Variants in KLHL17 observed in about 807,000 individuals in gnomAD.
KLHL17 encodes kelch like family member 17, also known as kelch-like protein 17.
In KLHL17, 71 loss-of-function variants were observed where a neutral mutation model predicts 64.6. The ratio of observed to expected loss-of-function variants is 1.10; its 90% CI spans 0.91 to 1.34. The LOEUF (loss-of-function observed/expected upper bound fraction) is 1.34. Among genes scored for constraint, KLHL17 ranks in the 40% most tolerant of loss-of-function variants. The pLI is 0.00. For synonymous variants in KLHL17, 612 were observed against 405.4 expected, an observed-to-expected ratio of 1.51 and a Z score of -6.12; for missense variants, 1,140 against 935.0, an observed-to-expected ratio of 1.22 and a Z score of -2.86.
chr1:962,716 G>A lies in KLHL17; in HGVS notation c.841G>A (p.Val281Met), dbSNP rs1189977031. 1 of 1,602,304 alleles carries A rather than the reference G, an allele frequency of 6.2e-7. No homozygotes were observed. The highest frequency in any genetic ancestry group is 1.7e-5 in the Admixed American group (1 of 59,346). ...RQHVPRLMKC[V>M]RLPLLSRDFL... ...CCCTGCACCCCAGCTCATGAAGTGT[G>A]TGCGGCTGCCCTTGCTGAGCCGCGA... The change falls in exon 6 of 12, where the codon GTG (valine) becomes ATG (methionine). Residue 281 changes from valine to methionine, a missense_variant. Physicochemically the swap from Val to Met is conservative, Grantham distance 21 (BLOSUM62 1). Transcript: ENST00000338591.
intron 4 of KLHL17, 25 bp from the exon 5 acceptor site, chr1:962,330 C>A: frequency 6.2e-7 from 1 of 1,612,086 alleles, no homozygotes. Flanking sequence ...CCCCAGATCT[C>A]AGGTCTGAGG....
At chr1:964,046 TC>T (rs766837330) in intron 9 of KLHL17, 38 bp downstream of exon 9, 2 of 1,611,976 alleles carry the variant, frequency 1.2e-6, no homozygotes, top group Non-Finnish European at 1.7e-6. Context: ...ATCCCCACCT[TC>T]CCCCACCGTG....
At position 961,349 on chromosome 1, in the gene KLHL17, G is replaced by A. The variant is rs1410875746; in HGVS notation, c.164G>A (p.Gly55Glu). The A allele has an allele frequency of 5.1e-6, 8 of 1,576,440 alleles. No homozygotes were observed. Among genetic ancestry groups the A allele is most frequent in the East Asian group, 4.6e-5 (2 of 43,076 alleles). Residue 55 changes from glycine (G) to glutamate (E), a missense_variant, in exon 2 of 12, where the codon GGA becomes GAA. Transcript: ENST00000338591. ...RQARPAAPME[G>E]AVQLLSREGH... ...GCTCGGCCCGCAGCCCCCATGGAGG[G>A]AGCCGTGCAGCTGCTGAGCCGCGAG...
In KLHL17 at chr1:964,478, T is replaced by TA. The variant is rs758412595; in HGVS notation, c.1649dup (p.Tyr550Ter). The part of the protein sequence containing the change: ...GTSCLNSVER[Y>*]SPKAGAWESV... Reference sequence around the variant, plus strand: ...CAGCTGCCTCAACTCGGTAGAGAGATACAGTCCAAAGGCTGGAGCCTGGGA... The same window carrying TA: ...CAGCTGCCTCAACTCGGTAGAGAGATAACAGTCCAAAGGCTGGAGCCTGGGA... Residue 550 changes from tyrosine to a stop codon, truncating the protein, a stop_gained and frameshift_variant, in exon 11 of 12, where the codon TAC (tyrosine) becomes TAAC (stop). Coordinates refer to ENST00000338591, the MANE Select transcript of KLHL17 (RefSeq NM_198317.3). LOFTEE classifies it high-confidence loss of function. The TA allele has an allele frequency of 6.5e-7, 1 of 1,541,110 alleles. No homozygotes were observed. Among genetic ancestry groups the TA allele is most frequent in the Non-Finnish European group, 8.8e-7 (1 of 1,142,544 alleles).
rs746135800 is a variant in KLHL17 at position 965,240 on chromosome 1, C to T, written c.*49C>T. On this transcript the variant is annotated 3_prime_UTR_variant, in exon 12 of 12. Transcript: ENST00000338591. ...AGCCTCCCACATGCCTTAAGGGGAC[C>T]GTGGCCCCCACCAGGGACGTCCTGC... 42 of 1,523,698 alleles carry T rather than the reference C, an allele frequency of 2.8e-5. No individual in the cohort carries two copies. Among genetic ancestry groups the T allele is most frequent in the South Asian group, 3.4e-5 (3 of 87,386 alleles). The allele number at this position is 1,523,698 out of a possible 1,614,324, so 94.4% of individuals were successfully genotyped here. A position where few individuals can be genotyped will look rare whatever the true frequency, so the allele number is the denominator to read the frequency against.
At chr1:962,256 C>G (rs549386215) in intron 4 of KLHL17, 99 bp from the exon 5 acceptor site, 1 of 1,582,534 alleles carries the variant, frequency 6.3e-7, no homozygotes, top group Non-Finnish European at 8.6e-7. Context: ...TATGAACACT[C>G]AGCCCCCACC....
At chr1:964,620 G>GAA (rs879014046) in intron 11 of KLHL17, 90 bp downstream of exon 11, 13,406 of 670,786 alleles carry the variant, frequency 0.02, 1,006 homozygotes, top group South Asian at 0.04. Context: ...TGTGCTGCGG[G>GAA]GAGGGGGGCG....
Position 961,967 on chromosome 1 carries a change from A to G in KLHL17, c.631A>G (p.Lys211Glu), listed in dbSNP as rs1336033442. The part of the protein sequence containing the change: ...ADAHSCSDLL[K>E]AAHRYVLQHF... ...TGCGCACTCCTGCAGCGACCTGCTC[A>G]AGGCCGCCCACAGGTACGTGCTGCA... Residue 211 changes from lysine (K) to glutamate (E), a missense_variant, in exon 4 of 12, where the codon AAG becomes GAG. Coordinates refer to ENST00000338591, the MANE Select transcript of KLHL17 (RefSeq NM_198317.3). 6.2e-6 allele frequency: 10 copies of G among 1,612,890 alleles called. No individual in the cohort carries two copies. Among genetic ancestry groups the G allele is most frequent in the African/African-American group, 1.3e-5 (1 of 75,036 alleles).
In KLHL17 at chr1:963,164, C is replaced by G. The variant is rs376543834; in HGVS notation, c.1098C>G (p.Thr366=). The change falls in exon 7 of 12, where the codon ACC becomes ACG. Residue 366 remains threonine, a synonymous_variant. Transcript: ENST00000338591. ...HGDCEAYDTR[T]DRWHVVASMS... ...ACTGTGAGGCCTACGACACGCGCAC[C>G]GACCGCTGGCACGTGGTGGCCTCCA... The G allele has an allele frequency of 1.9e-6, 3 of 1,610,746 alleles. No individual in the cohort carries two copies. Among genetic ancestry groups the G allele is most frequent in the Non-Finnish European group, 1.7e-6 (2 of 1,178,724 alleles).
chr1:963,768 T>C (rs1367759818), intron 8 of KLHL17, 152 bp from the exon 9 acceptor site: 1 of 960,530 alleles, frequency 1.0e-6, no homozygotes, highest in African/African-American at 1.6e-5. Flanking sequence ...CAGGGTCCTG[T>C]GCCCACCAGC....
intron 1 of KLHL17, chr1:961,036 T>A: frequency 4.8e-6 from 1 of 208,140 alleles, no homozygotes; most frequent in Non-Finnish European, 8.3e-6. Context: ...GCTGAGCTCG[T>A]GGGGGCGCCG....
intron 11 of KLHL17, 28 bp downstream of exon 11, chr1:964,558 G>C (rs147467971): frequency 0.85 from 289,679 of 341,058 alleles, 130,127 homozygotes; most frequent in East Asian, 0.92. Flanking sequence ...GGGGAGGGGG[G>C]CGCGGGTCCG....
At position 961,862 on chromosome 1, in the gene KLHL17, G is replaced by A; in HGVS notation, c.526G>A (p.Gly176Ser). The A allele has an allele frequency of 6.2e-7, 1 of 1,611,648 alleles. No homozygotes were observed. The highest frequency in any genetic ancestry group is 8.5e-7 in the Non-Finnish European group (1 of 1,179,992). Residue 176 changes from glycine to serine, a missense_variant, in exon 4 of 12, where the codon GGC becomes AGC. Physicochemically the swap from Gly to Ser is moderately conservative, Grantham distance 56. Coordinates refer to ENST00000338591, the MANE Select transcript of KLHL17 (RefSeq NM_198317.3). ...LPAASLLQLN[G>S]VRDACCKFLL... The stretch of plus-strand genomic sequence containing the variant: ...AGCCGCCAGTCTCCTGCAGCTGAAT[G>A]GCGTCCGAGACGCTTGCTGCAAGTT...
At chr1:962,259 C>G (rs773462286) in intron 4 of KLHL17, 96 bp from the exon 5 acceptor site, 1 of 1,586,628 alleles carries the variant, frequency 6.3e-7, no homozygotes, top group Non-Finnish European at 8.6e-7. Context: ...GAACACTCAG[C>G]CCCCACCTGC....
chr1:961,562 C>T lies in KLHL17; in HGVS notation c.367+10C>T, dbSNP rs1334552859. 8.7e-6 allele frequency: 14 copies of T among 1,612,564 alleles called. No individual in the cohort carries two copies. The East Asian group carries it at 8.9e-5, about 10-fold the overall frequency. On this transcript the variant is annotated intron_variant, in intron 2 of 11. Coordinates refer to ENST00000338591, the MANE Select transcript of KLHL17 (RefSeq NM_198317.3). ...CACGCCATGTTCACAAGCAAGTACC[C>T]GCCTGGGCGGCGCTGGGGGCTCCGT...
chr1:961,568 G>C lies in KLHL17; in HGVS notation c.367+16G>C, dbSNP rs1186937643. 2 of 1,612,572 alleles carry C rather than the reference G, an allele frequency of 1.2e-6. No homozygotes were observed. The highest frequency in any genetic ancestry group is 1.7e-5 in the Admixed American group (1 of 60,006). The stretch of plus-strand genomic sequence containing the variant: ...ATGTTCACAAGCAAGTACCCGCCTG[G>C]GCGGCGCTGGGGGCTCCGTGGGTCC... On this transcript the variant is annotated intron_variant, in intron 2 of 11. Coordinates refer to ENST00000338591, the MANE Select transcript of KLHL17 (RefSeq NM_198317.3).
intron 4 of KLHL17, 72 bp downstream of exon 4, chr1:962,119 C>CAGG: frequency 7.2e-7 from 1 of 1,396,598 alleles, no homozygotes; most frequent in Non-Finnish European, 9.9e-7. Context: ...ACTCCCGACC[C>CAGG]CGTTTTGTTC....
At chr1:962,250 A>C in intron 4 of KLHL17, 105 bp from the exon 5 acceptor site, 1 of 1,570,958 alleles carries the variant, frequency 6.4e-7, no homozygotes, top group South Asian at 1.1e-5. Context: ...TCCCAGTATG[A>C]ACACTCAGCC....
In KLHL17 at chr1:962,803, C is replaced by T. The variant is rs888007986; in HGVS notation, c.928C>T (p.Leu310Phe). The T allele has an allele frequency of 6.2e-7, 1 of 1,610,208 alleles. No homozygotes were observed. Among genetic ancestry groups the T allele is most frequent in the African/African-American group, 1.3e-5 (1 of 74,916 alleles). ...LVRHHPDCKD[L>F]LIEALKFHLL... ...GAGGCACCACCCTGACTGCAAGGAC[C>T]TCCTCATCGAGGCCCTGAAGTTCCA... The change falls in exon 6 of 12, where the codon CTC becomes TTC. Residue 310 changes from leucine to phenylalanine, a missense_variant. Coordinates refer to ENST00000338591, the MANE Select transcript of KLHL17 (RefSeq NM_198317.3).
Sources: gnomAD v4.1 joint callset for allele counts on GRCh38, gnomAD v4.1.1 for gene constraint, MANE v1.5 for transcripts, NCBI Gene and HGNC (gene_info 2026-07-23, HGNC 2026-07-21) for gene names.